The following PRKCH variants were observed in gnomAD, a reference collection of about 807,000 sequenced individuals.
PRKCH encodes protein kinase C eta.
In PRKCH, 28 loss-of-function variants were observed where a neutral mutation model predicts 82.5. The observed-to-expected ratio is 0.34, with a 90% confidence interval of 0.25 to 0.47. PRKCH has a LOEUF of 0.47. PRKCH is among the 20% of genes least tolerant of loss of function. The pLI is 1.00. For synonymous variants in PRKCH, 322 were observed against 327.4 expected, an observed-to-expected ratio of 0.98 and a Z score of 0.18; for missense variants, 705 against 881.8, an observed-to-expected ratio of 0.80 and a Z score of 2.54.
chr14:61,496,065 G>A (rs536323455), intron 10 of PRKCH, among the ~76,000 whole-genome samples: 49 of 152,182 alleles, frequency 3.2e-4, no homozygotes, highest in Non-Finnish European at 6.2e-4. Flanking sequence ...GGGAGAGTGC[G>A]CAGTGGGATC....
intron 7 of PRKCH, among the ~76,000 whole-genome samples, chr14:61,455,539 A>G (rs567216463): frequency 2.2e-4 from 33 of 152,322 alleles, no homozygotes; most frequent in Admixed American, 5.9e-4. Context: ...GGCGGGCAGG[A>G]TGCCAATATT....
intron 1 of PRKCH, among the ~76,000 whole-genome samples, chr14:61,311,751 G>A (rs1006620246): frequency 3.3e-5 from 5 of 152,124 alleles, no homozygotes; most frequent in Admixed American, 6.5e-5. Flanking sequence ...AACTTATTTC[G>A]GTTGGTGCAA....
In PRKCH at chr14:61,321,861, C is replaced by T; in HGVS notation, c.-241C>T. ...GCTTGGAAGGGACGGTCGGGCTTCCCCGGCCCGCTGAGGGCTCGGCGGCGG... is the reference window on the plus strand; with the variant it reads ...GCTTGGAAGGGACGGTCGGGCTTCCTCGGCCCGCTGAGGGCTCGGCGGCGG... On this transcript the variant is annotated 5_prime_UTR_variant, in exon 1 of 14. Coordinates refer to ENST00000332981, the MANE Select transcript of PRKCH (RefSeq NM_006255.5). The surrounding 1 kb of genome is among the most constrained non-coding windows in gnomAD (Gnocchi z 4.1). 2.3e-6 allele frequency: 1 copy of T among 430,820 alleles called. No individual in the cohort carries two copies. Among genetic ancestry groups the T allele is most frequent in the Admixed American group, 3.8e-5 (1 of 26,122 alleles). The allele number at this position is 430,820 out of a possible 1,614,324, so 26.7% of individuals were successfully genotyped here. A position where few individuals can be genotyped will look rare whatever the true frequency, so the allele number is the denominator to read the frequency against.
intron 1 of PRKCH, among the ~76,000 whole-genome samples, chr14:61,210,259 A>G (rs919757018): frequency 1.3e-5 from 2 of 151,110 alleles, no homozygotes; most frequent in East Asian, 3.9e-4. Flanking sequence ...GGTTACAGTA[A>G]GCCGAGATCG....
chr14:61,327,144 A>G, intron 1 of PRKCH: 1 of 455,902 alleles, frequency 2.2e-6, no homozygotes, highest in Admixed American at 2.4e-5. Flanking sequence ...TGTTCTCTGC[A>G]GCCCTGGAGG....
intron 1 of PRKCH, among the ~76,000 whole-genome samples, chr14:61,267,256 C>T (rs1390883423): frequency 5.9e-5 from 9 of 152,194 alleles, no homozygotes; most frequent in African/African-American, 1.9e-4. Flanking sequence ...TCATCAACTT[C>T]GCATACTCAC....
intron 1 of PRKCH, among the ~76,000 whole-genome samples, chr14:61,256,993 G>A (rs2045003210): frequency 6.6e-6 from 1 of 152,172 alleles, no homozygotes; most frequent in African/African-American, 2.4e-5. Context: ...GGAGAAAATG[G>A]TCCAAATAAA....
chr14:61,313,774 G>A (rs988128838), intron 1 of PRKCH, among the ~76,000 whole-genome samples: 8 of 151,788 alleles, frequency 5.3e-5, no homozygotes, highest in East Asian at 3.9e-4. Context: ...TTATATAAAC[G>A]TCAGATCCCA....
In PRKCH at chr14:61,443,084, C is replaced by CT. The variant is rs772821353; in HGVS notation, c.428-20dup. On this transcript the variant is annotated intron_variant, in intron 2 of 13. Coordinates refer to ENST00000332981, the MANE Select transcript of PRKCH (RefSeq NM_006255.5). ...TGCGTTAGGTTCCTTACATCTTATT[C>CT]TTTTTTTCCTTCCTTTTAATATATA... 5 of 1,603,106 alleles carry CT rather than the reference C, an allele frequency of 3.1e-6. No homozygotes were observed. The Admixed American group carries it at 6.8e-5, about 22-fold the overall frequency.
chr14:61,369,904 A>G (rs996173290), intron 1 of PRKCH, among the ~76,000 whole-genome samples: 1 of 152,114 alleles, frequency 6.6e-6, no homozygotes, highest in Non-Finnish European at 1.5e-5. Context: ...ATACATATGC[A>G]TATATCTGTA....
intron 10 of PRKCH, among the ~76,000 whole-genome samples, chr14:61,505,605 C>CTTGGAA (rs1195618779): frequency 6.6e-6 from 1 of 151,644 alleles, no homozygotes; most frequent in Non-Finnish European, 1.5e-5. Context: ...GAACTCCCGA[C>CTTGGAA]CTCAGGTGAT....
intron 1 of PRKCH, among the ~76,000 whole-genome samples, chr14:61,285,930 G>T (rs1566807394): frequency 6.6e-6 from 1 of 152,172 alleles, no homozygotes; most frequent in Non-Finnish European, 1.5e-5. Context: ...AGCAAACTCT[G>T]TTCCATTTAC....
intron 1 of PRKCH, among the ~76,000 whole-genome samples, chr14:61,251,171 G>C (rs1001849091): frequency 2.6e-5 from 4 of 152,164 alleles, no homozygotes; most frequent in African/African-American, 9.7e-5. Flanking sequence ...AGGAAAATGG[G>C]TATCCATCCC....
At chr14:61,469,477 T>C (rs1360906699) in intron 9 of PRKCH, among the ~76,000 whole-genome samples, 1 of 152,160 alleles carries the variant, frequency 6.6e-6, no homozygotes. Context: ...GCCCCTCGGG[T>C]GTGGGCTGCA....
intron 12 of PRKCH, among the ~76,000 whole-genome samples, chr14:61,537,044 C>T (rs2043119538): frequency 6.6e-6 from 1 of 152,222 alleles, no homozygotes; most frequent in Non-Finnish European, 1.5e-5. Context: ...AGGATTTCTA[C>T]TTGAAAAGAA....
At chr14:61,355,773 C>A (rs151244217) in intron 1 of PRKCH, among the ~76,000 whole-genome samples, 35 of 152,238 alleles carry the variant, frequency 2.3e-4, no homozygotes, top group East Asian at 1.2e-3. Context: ...AGTATTGCTA[C>A]GTTGTGATTT....
chr14:61,412,991 C>CT, intron 2 of PRKCH, among the ~76,000 whole-genome samples: 1 of 152,280 alleles, frequency 6.6e-6, no homozygotes, highest in African/African-American at 2.4e-5. Flanking sequence ...ACTGACCACA[C>CT]TTTGTTTAGT....
chr14:61,251,798 T>C (rs1169219453), intron 1 of PRKCH, among the ~76,000 whole-genome samples: 2 of 152,156 alleles, frequency 1.3e-5, no homozygotes, highest in African/African-American at 4.8e-5. Context: ...AAAGTGGTCG[T>C]ACTAATTAAC....
intron 2 of PRKCH, among the ~76,000 whole-genome samples, chr14:61,400,973 G>C (rs980952888): frequency 1.3e-5 from 2 of 152,100 alleles, no homozygotes; most frequent in East Asian, 3.8e-4. Flanking sequence ...GGGTGGGGGG[G>C]CAGCATTTTA....
Sources: gnomAD v4.1 joint callset for allele counts (sites outside exome capture counted in the v4.1 genomes callset) on GRCh38, gnomAD v4.1.1 for gene constraint, Gnocchi (gnomAD v3.1) non-coding constraint, MANE v1.5 for transcripts, NCBI Gene and HGNC (gene_info 2026-07-23, HGNC 2026-07-21) for gene names.